The following CAPN7 variants were observed in gnomAD, a reference collection of about 807,000 sequenced individuals.
CAPN7 encodes calpain 7, also known as calpain-7.
CAPN7 carries 72 observed loss-of-function variants against 115.2 expected under a neutral mutation model. That is an observed-to-expected ratio of 0.63 (90% confidence interval 0.52 to 0.76). The LOEUF is 0.76. CAPN7 is among the 30% of genes least tolerant of loss of function. The pLI is 0.00. For synonymous variants in CAPN7, 344 were observed against 322.3 expected (o/e 1.07, Z -0.72); for missense variants, 905 against 971.5 (o/e 0.93, Z 0.91).
chr3:15,242,182 A>C lies in CAPN7; in HGVS notation c.1793A>C (p.Asp598Ala), dbSNP rs1441210673. The change falls in exon 16 of 21, where the codon GAT becomes GCT. Residue 598 changes from aspartate (D) to alanine (A), a missense_variant. By Grantham distance (126) the Asp-to-Ala change is moderately radical. Around this residue, in one of 3 missense-constraint regions of CAPN7, gnomAD observed 620 missense variants for 703.4 expected, o/e 0.88. Transcript: ENST00000253693. ...LLSRHITDKD[D>A]FANNREFITM... ...TTGGATTCTTTGTGATTTTAGGATG[A>C]TTTTGCGAATAATCGAGAATTTATC... 6.3e-7 allele frequency: 1 copy of C among 1,597,418 alleles called. No individual in the cohort carries two copies. The highest frequency in any genetic ancestry group is 8.5e-7 in the Non-Finnish European group (1 of 1,173,848).
chr3:15,232,805 C>A (rs533147942), intron 10 of CAPN7, 140 bp downstream of exon 10: 3 of 647,778 alleles, frequency 4.6e-6, no homozygotes, highest in South Asian at 2.4e-5. Context: ...ATGACCAGTC[C>A]CCGTATTATG....
Position 15,212,111 on chromosome 3 carries a change from C to T in CAPN7, c.110C>T (p.Ala37Val). 6.3e-7 allele frequency: 1 copy of T among 1,598,918 alleles called. No homozygotes were observed. Among genetic ancestry groups the T allele is most frequent in the Non-Finnish European group, 8.5e-7 (1 of 1,172,674 alleles). Reference protein sequence around the residue: ...SEAVFYYKEAAQALIYAEMAG... With the variant: ...SEAVFYYKEAVQALIYAEMAG... ...GAATTCTTTCATTTTTAGGAAGCTGCACAAGCCTTAATTTATGCTGAGATG... is the reference window on the plus strand; with the variant it reads ...GAATTCTTTCATTTTTAGGAAGCTGTACAAGCCTTAATTTATGCTGAGATG... The change falls in exon 2 of 21, where the codon GCA becomes GTA. Residue 37 changes from alanine (A) to valine (V), a missense_variant. Around this residue, in one of 3 missense-constraint regions of CAPN7, gnomAD observed 271 missense variants for 239.6 expected, o/e 1.13. Transcript: ENST00000253693.
At chr3:15,220,746 A>C in intron 4 of CAPN7, 35 bp from the exon 5 acceptor site, 1 of 1,595,732 alleles carries the variant, frequency 6.3e-7, no homozygotes, top group Non-Finnish European at 8.6e-7. Flanking sequence ...GTGAGTAGAA[A>C]AACTAGAACA....
chr3:15,208,454 T>A (rs2044752758), intron 1 of CAPN7, among the ~76,000 whole-genome samples: 1 of 129,044 alleles, frequency 7.7e-6, no homozygotes, highest in South Asian at 2.5e-4. Flanking sequence ...ACTTGGCTAA[T>A]TTTTTTTTTT....
At chr3:15,242,279 T>A in intron 16 of CAPN7, 26 bp downstream of exon 16, 8 of 1,355,366 alleles carry the variant, frequency 5.9e-6, no homozygotes, top group Non-Finnish European at 8.2e-6. Flanking sequence ...CAGCAAACAT[T>A]AAAATAAACA....
In CAPN7 at chr3:15,225,476, G is replaced by T. The variant is rs114338073; in HGVS notation, c.725+1915G>T. On this transcript the variant is annotated intron_variant, in intron 6 of 20. Coordinates refer to ENST00000253693, the MANE Select transcript of CAPN7 (RefSeq NM_014296.3). ...ATATTTGTTATGCTTATACGACACA[G>T]TGTCCATAAGAAAAATGTTATATAG... 1.9e-3 allele frequency among the ~76,000 whole-genome samples: 283 copies of T among 152,242 alleles called. 2 individuals carry two copies. Among genetic ancestry groups the T allele is most frequent in the African/African-American group, 6.6e-3 (275 of 41,534 alleles).
chr3:15,227,939 A>G lies in CAPN7; in HGVS notation c.826A>G (p.Thr276Ala). ...DLTNNPTMIY[T>A]VSSFSIKQTI... ...CACCAACAATCCTACAATGATATAT[A>G]CTGTGTCCAGTTTTAGCATAAAGCA... Residue 276 changes from threonine (T) to alanine (A), a missense_variant, in exon 7 of 21, where the codon ACT becomes GCT. Thr to Ala is a moderately conservative substitution (Grantham distance 58). Transcript: ENST00000253693. 1 of 1,484,926 alleles carries G rather than the reference A, an allele frequency of 6.7e-7. No homozygotes were observed. Among genetic ancestry groups the G allele is most frequent in the Non-Finnish European group, 8.9e-7 (1 of 1,117,378 alleles). The allele number at this position is 1,484,926 out of a possible 1,614,324, so 92.0% of individuals were successfully genotyped here.
At chr3:15,210,297 T>G (rs1248757086) in intron 1 of CAPN7, among the ~76,000 whole-genome samples, 2 of 152,064 alleles carry the variant, frequency 1.3e-5, no homozygotes, top group Non-Finnish European at 2.9e-5. Flanking sequence ...GTACAATAAT[T>G]ATTTGGAAAT....
chr3:15,210,818 C>T (rs1034224953), intron 1 of CAPN7: 1 of 1,289,490 alleles, frequency 7.8e-7, no homozygotes, highest in Non-Finnish European at 1.0e-6. Flanking sequence ...TGAAACAACT[C>T]CTGCTCAAAC....
At position 15,250,052 on chromosome 3, in the gene CAPN7, C is replaced by T. The variant is rs369541901; in HGVS notation, c.2205-879C>T. Among the ~76,000 whole-genome samples, 48 of 150,276 alleles carry T rather than the reference C, an allele frequency of 3.2e-4. No homozygotes were observed. In the East Asian group the frequency reaches 8.5e-3, roughly 27 times the overall value. ...TGCTGGGATTACAGGCGTGAGCCAC[C>T]GCGCCTGGCCAATGACAATATTTTT... On this transcript the variant is annotated intron_variant, in intron 19 of 20. Transcript: ENST00000253693.
chr3:15,223,059 C>T (rs1559393495), intron 5 of CAPN7, among the ~76,000 whole-genome samples: 1 of 152,186 alleles, frequency 6.6e-6, no homozygotes, highest in Non-Finnish European at 1.5e-5. Context: ...TTCCTTCTTC[C>T]ACTACCCATT....
chr3:15,220,828 G>C lies in CAPN7; in HGVS notation c.485G>C (p.Ser162Thr). ...TTGACCAAGCCAGTTGGCAAAATCA[G>C]TTCAACAAGTGTTAAGCCAAAGCCA... Reference protein sequence around the residue: ...EPLTKPVGKISSTSVKPKPPP... With the variant: ...EPLTKPVGKITSTSVKPKPPP... Residue 162 changes from serine (S) to threonine (T), a missense_variant, in exon 5 of 21, where the codon AGT becomes ACT. Ser to Thr is a moderately conservative substitution (Grantham distance 58). This residue lies in a region of CAPN7 where 271 missense variants were observed against 239.6 expected (regional missense o/e 1.13). Coordinates refer to ENST00000253693, the MANE Select transcript of CAPN7 (RefSeq NM_014296.3). 4.3e-6 allele frequency: 7 copies of C among 1,614,186 alleles called. No homozygotes were observed. The highest frequency in any genetic ancestry group is 5.1e-6 in the Non-Finnish European group (6 of 1,180,034).
Position 15,223,652 on chromosome 3 carries a change from TA to T in CAPN7, c.725+93del, listed in dbSNP as rs1164243067. On this transcript the variant is annotated intron_variant, in intron 6 of 20. Transcript: ENST00000253693. Reference sequence around the variant, plus strand: ...TTAATAGCCTTGAAATTAAAATTTGTAATAAAAAAATTTGTTGGAATAGAGG... The same window carrying T: ...TTAATAGCCTTGAAATTAAAATTTGTATAAAAAAATTTGTTGGAATAGAGG... The T allele has an allele frequency of 4.9e-6, 4 of 811,540 alleles. No individual in the cohort carries two copies. The African/African-American group carries it at 7.0e-5, about 14-fold the overall frequency. 50.3% of individuals were successfully genotyped at this position (811,540 alleles called of 1,614,324 possible). A position where few individuals can be genotyped will look rare whatever the true frequency, so the allele number is the denominator to read the frequency against.
chr3:15,248,638 T>G (rs1050501440), intron 19 of CAPN7, among the ~76,000 whole-genome samples: 1 of 152,210 alleles, frequency 6.6e-6, no homozygotes, highest in Non-Finnish European at 1.5e-5. Context: ...TGCAAATGAT[T>G]AAGTTGTATA....
chr3:15,225,712 C>G (rs1209009199), intron 6 of CAPN7, among the ~76,000 whole-genome samples: 1 of 152,060 alleles, frequency 6.6e-6, no homozygotes, highest in East Asian at 1.9e-4. Flanking sequence ...GGACAGAGAC[C>G]ATGTCTGTTT....
At chr3:15,207,448 A>G (rs192181606) in intron 1 of CAPN7, among the ~76,000 whole-genome samples, 1 of 152,172 alleles carries the variant, frequency 6.6e-6, no homozygotes, top group Admixed American at 6.5e-5. Context: ...TAAGCAGTGT[A>G]CCCTTAGGCT....
chr3:15,217,306 A>G, intron 2 of CAPN7, 119 bp from the exon 3 acceptor site: 5 of 878,224 alleles, frequency 5.7e-6, no homozygotes, highest in South Asian at 2.6e-5. Flanking sequence ...TAACCTTGCT[A>G]AGTTTTTTAA....
rs145342484 is a variant in CAPN7 at position 15,230,531 on chromosome 3, G to A, written c.1028G>A (p.Arg343Lys). 28 of 1,593,646 alleles carry A rather than the reference G, an allele frequency of 1.8e-5. No individual in the cohort carries two copies. The African/African-American group carries it at 3.1e-4, about 18-fold the overall frequency. The change falls in exon 9 of 21, where the codon AGA (arginine) becomes AAA (lysine). Residue 343 changes from arginine to lysine, a missense_variant. Physicochemically the swap from Arg to Lys is conservative, Grantham distance 26 (BLOSUM62 2). Transcript: ENST00000253693. ...MVKLHLNGVPRKVIIDDQLPV... is the reference protein window; with the variant it reads ...MVKLHLNGVPKKVIIDDQLPV... The stretch of plus-strand genomic sequence containing the variant: ...AAACTTCACCTCAATGGTGTCCCAA[G>A]AAAGGTGAATAATGTCTCTCCCCAC...
At position 15,217,483 on chromosome 3, in the gene CAPN7, T is replaced by C. The variant is rs779424564; in HGVS notation, c.270T>C (p.Ala90=). The C allele has an allele frequency of 6.2e-7, 1 of 1,613,930 alleles. No homozygotes were observed. The highest frequency in any genetic ancestry group is 8.5e-7 in the Non-Finnish European group (1 of 1,179,878). Residue 90 remains alanine (A), a synonymous_variant, in exon 3 of 21, where the codon GCT becomes GCC. Coordinates refer to ENST00000253693, the MANE Select transcript of CAPN7 (RefSeq NM_014296.3). ...AACATCAGTTGGACTTAGAGCGTGC[T>C]CATTTCCTTGTTACACAAGCTTTTG... ...KSKHQLDLER[A]HFLVTQAFDE...
Sources: gnomAD v4.1 joint callset for allele counts (sites outside exome capture counted in the v4.1 genomes callset) on GRCh38, gnomAD v4.1.1 for gene constraint, gnomAD v4.1.1 regional missense constraint, MANE v1.5 for transcripts, NCBI Gene and HGNC (gene_info 2026-07-23, HGNC 2026-07-21) for gene names.